The following SLMAP variants were observed in gnomAD, a reference collection of about 807,000 sequenced individuals.
The protein encoded by SLMAP is sarcolemmal membrane-associated protein.
A neutral mutation model predicts 128.8 loss-of-function variants in SLMAP; 44 were observed. That is an observed-to-expected ratio of 0.34 (90% confidence interval 0.27 to 0.44). The LOEUF is 0.44. SLMAP is among the 20% of genes least tolerant of loss of function. The probability of loss-of-function intolerance (pLI) is 1.00; values close to 1 mark genes in which losing one functional copy is unlikely to be tolerated. For missense variants in SLMAP, 787 were observed against 985.3 expected (o/e 0.80, Z 2.69); for synonymous variants, 327 against 348.8 (o/e 0.94, Z 0.70).
In SLMAP at chr3:57,926,163, C is replaced by T. The variant is rs2097004559; in HGVS notation, c.*6+229C>T. On this transcript the variant is annotated intron_variant, in intron 24 of 24. Coordinates refer to ENST00000671191, the MANE Select transcript of SLMAP (RefSeq NM_001377540.1). The stretch of plus-strand genomic sequence containing the variant: ...AATGCTAACCATGAGTTAATTCCAA[C>T]CTAACCAGTTGTTAATATGCTTCCA... The T allele has an allele frequency of 9.6e-6, 5 of 518,214 alleles. No individual in the cohort carries two copies. The East Asian group carries it at 1.7e-4, about 17-fold the overall frequency. The allele number at this position is 518,214 out of a possible 1,614,324, so 32.1% of individuals were successfully genotyped here.
chr3:57,821,983 A>C (rs1451027079), intron 2 of SLMAP, among the ~76,000 whole-genome samples: 1 of 151,694 alleles, frequency 6.6e-6, no homozygotes, highest in Non-Finnish European at 1.5e-5. Flanking sequence ...CCTCACTCAT[A>C]AATGCTTCCT....
intron 10 of SLMAP, among the ~76,000 whole-genome samples, chr3:57,862,386 TC>T (rs2095117514): frequency 6.6e-6 from 1 of 151,834 alleles, no homozygotes; most frequent in Non-Finnish European, 1.5e-5. Context: ...ACGCCTGTAA[TC>T]CCAGCACTTT....
At chr3:57,834,379 C>G (rs765266756) in intron 3 of SLMAP, among the ~76,000 whole-genome samples, 1 of 150,938 alleles carries the variant, frequency 6.6e-6, no homozygotes, top group African/African-American at 2.4e-5. Context: ...AAAATACTAG[C>G]GAAAATATAC....
At chr3:57,868,075 A>G (rs914156159) in intron 13 of SLMAP, among the ~76,000 whole-genome samples, 9 of 152,050 alleles carry the variant, frequency 5.9e-5, no homozygotes, top group African/African-American at 2.2e-4. Context: ...AGCCCGAGCA[A>G]CATAGTGAGA....
intron 24 of SLMAP, chr3:57,926,138 A>G (rs1320938516): frequency 1.8e-6 from 1 of 560,750 alleles, no homozygotes; most frequent in Non-Finnish European, 3.2e-6. Flanking sequence ...ACTTTGTAGT[A>G]ATGCTAACCA....
intron 5 of SLMAP, among the ~76,000 whole-genome samples, chr3:57,849,252 C>T (rs1381894010): frequency 6.6e-6 from 1 of 152,042 alleles, no homozygotes; most frequent in African/African-American, 2.4e-5. Flanking sequence ...TTGAAAAAAC[C>T]CTTATAGAAG....
At chr3:57,787,865 G>T (rs1184674902) in intron 2 of SLMAP, among the ~76,000 whole-genome samples, 1 of 152,208 alleles carries the variant, frequency 6.6e-6, no homozygotes, top group Non-Finnish European at 1.5e-5. Context: ...TGCTTTTAGG[G>T]ATTCTACATA....
intron 2 of SLMAP, among the ~76,000 whole-genome samples, chr3:57,805,151 A>C (rs1031264024): frequency 2.6e-5 from 4 of 151,896 alleles, no homozygotes; most frequent in Non-Finnish European, 4.4e-5. Context: ...TACCTTTTTG[A>C]CTATGAAATT....
At chr3:57,892,878 G>GGCT (rs2096126765) in intron 15 of SLMAP, among the ~76,000 whole-genome samples, 1 of 147,954 alleles carries the variant, frequency 6.8e-6, no homozygotes, top group Non-Finnish European at 1.5e-5. Flanking sequence ...CTGTTGCGCA[G>GGCT]GCTGGAGTGC....
rs1559544519 is a variant in SLMAP at position 57,913,593 on chromosome 3, T to C, written c.2138+318T>C. ...GCCCTGTAAACTAATAAATTTCAAA[T>C]ATCAACTGCTTTTCTTTCACACCAG... On this transcript the variant is annotated intron_variant, in intron 21 of 24. Coordinates refer to ENST00000671191, the MANE Select transcript of SLMAP (RefSeq NM_001377540.1). 2.0e-5 allele frequency among the ~76,000 whole-genome samples: 3 copies of C among 152,216 alleles called. No homozygotes were observed. The South Asian group carries it at 6.2e-4, about 32-fold the overall frequency.
At chr3:57,888,402 A>C (rs1575768740) in intron 14 of SLMAP, among the ~76,000 whole-genome samples, 1 of 152,042 alleles carries the variant, frequency 6.6e-6, no homozygotes, top group African/African-American at 2.4e-5. Context: ...AGGCGGGTGG[A>C]GGTCAAGAGA....
At chr3:57,849,604 T>A (rs1196496516) in intron 5 of SLMAP, 150 bp from the exon 6 acceptor site, 3 of 495,142 alleles carry the variant, frequency 6.1e-6, no homozygotes, top group African/African-American at 3.9e-5. Flanking sequence ...GAAAAAAATT[T>A]AAAAGGCTAT....
chr3:57,861,016 T>C (rs866691591), intron 9 of SLMAP, among the ~76,000 whole-genome samples, 177 bp downstream of exon 9: 1 of 152,228 alleles, frequency 6.6e-6, no homozygotes, highest in African/African-American at 2.4e-5. Context: ...ATGTGAGTTT[T>C]GGTACTTACT....
chr3:57,833,791 A>G (rs890008925), intron 3 of SLMAP, among the ~76,000 whole-genome samples: 2 of 127,102 alleles, frequency 1.6e-5, no homozygotes, highest in Non-Finnish European at 3.2e-5. Context: ...GATTAGATTT[A>G]AAAAAAAAAA....
At chr3:57,892,783 A>AACACAC (rs141561615) in intron 15 of SLMAP, among the ~76,000 whole-genome samples, 5,188 of 143,858 alleles carry the variant, frequency 0.036, 138 homozygotes, top group Non-Finnish European at 0.059. Flanking sequence ...TGTCTCTTAA[A>AACACAC]ACACACACAC....
chr3:57,777,048 A>G (rs1481596315), intron 2 of SLMAP, among the ~76,000 whole-genome samples: 1 of 146,704 alleles, frequency 6.8e-6, no homozygotes, highest in Non-Finnish European at 1.5e-5. Context: ...TTGCCAACAC[A>G]ATACCTTTCT....
chr3:57,770,343 T>A (rs2080590132), intron 2 of SLMAP, among the ~76,000 whole-genome samples: 1 of 152,160 alleles, frequency 6.6e-6, no homozygotes, highest in Admixed American at 6.5e-5. Flanking sequence ...CAGAGAAAGT[T>A]GTTTTTAAGC....
At chr3:57,891,635 G>A (rs763843407) in intron 15 of SLMAP, among the ~76,000 whole-genome samples, 1 of 151,352 alleles carries the variant, frequency 6.6e-6, no homozygotes, top group Non-Finnish European at 1.5e-5. Context: ...GGAGTGCAGT[G>A]GCACAATCTC....
chr3:57,844,049 G>C (rs1452625686), intron 4 of SLMAP, among the ~76,000 whole-genome samples: 1 of 150,400 alleles, frequency 6.6e-6, no homozygotes, highest in Non-Finnish European at 1.5e-5. Context: ...CAAAGTGCTG[G>C]GATTACAGGC....
Sources: gnomAD v4.1 joint callset for allele counts (sites outside exome capture counted in the v4.1 genomes callset) on GRCh38, gnomAD v4.1.1 for gene constraint, MANE v1.5 for transcripts, NCBI Gene and HGNC (gene_info 2026-07-23, HGNC 2026-07-21) for gene names.